The following SMARCA2 variants were observed in gnomAD, a reference collection of about 807,000 sequenced individuals.
SMARCA2 encodes SWI/SNF related BAF chromatin remodeling complex subunit ATPase 2, also known as SWI/SNF-related matrix-associated actin-dependent regulator of chromatin subfamily A member 2.
In SMARCA2, 61 loss-of-function variants were observed where a neutral mutation model predicts 199.8. That is an observed-to-expected ratio of 0.31 (90% CI 0.25 to 0.38). The LOEUF is 0.38. Ranked by LOEUF, SMARCA2 falls within the 10% of genes least tolerant of loss-of-function variation. SMARCA2 has a pLI of 1.00. For synonymous variants in SMARCA2, 935 were observed against 732.0 expected, an observed-to-expected ratio of 1.28 and a Z score of -4.48; for missense variants, 1,344 against 2,012.2, an observed-to-expected ratio of 0.67 and a Z score of 6.35.
intron 8 of SMARCA2, among the ~76,000 whole-genome samples, chr9:2,060,072 C>G (rs768233481): frequency 8.0e-6 from 1 of 125,204 alleles, no homozygotes; most frequent in South Asian, 2.8e-4. Flanking sequence ...TGCTAAGTGA[C>G]TTGTCTCCAG....
At chr9:2,052,564 C>T (rs562272159) in intron 5 of SMARCA2, among the ~76,000 whole-genome samples, 80 of 152,262 alleles carry the variant, frequency 5.3e-4, no homozygotes, top group Admixed American at 1.6e-3. Context: ...TAAATTAGAA[C>T]GAATAACGTG....
chr9:2,166,497 AT>A (rs1825935907), intron 28 of SMARCA2, among the ~76,000 whole-genome samples: 1 of 152,096 alleles, frequency 6.6e-6, no homozygotes, highest in African/African-American at 2.4e-5. Context: ...GATAAGCATA[AT>A]TTTTTTGAAC....
chr9:2,062,935 A>T (rs1310002370), intron 9 of SMARCA2, among the ~76,000 whole-genome samples: 1 of 152,098 alleles, frequency 6.6e-6, no homozygotes, highest in Non-Finnish European at 1.5e-5. Flanking sequence ...TTCCAGTTGG[A>T]GGTGGGGCCT....
chr9:2,027,342 T>A (rs1033484559), intron 1 of SMARCA2, among the ~76,000 whole-genome samples: 1 of 152,004 alleles, frequency 6.6e-6, no homozygotes, highest in Non-Finnish European at 1.5e-5. Context: ...CTTGGGAGGC[T>A]GGTTGGGGAG....
intron 24 of SMARCA2, among the ~76,000 whole-genome samples, chr9:2,111,139 G>C (rs1408840952): frequency 6.6e-6 from 1 of 151,664 alleles, no homozygotes; most frequent in African/African-American, 2.4e-5. Flanking sequence ...ATATTGGGTA[G>C]GGTGATATTG....
At chr9:2,092,495 C>G (rs999863492) in intron 19 of SMARCA2, among the ~76,000 whole-genome samples, 2 of 152,134 alleles carry the variant, frequency 1.3e-5, no homozygotes, top group South Asian at 4.1e-4. Flanking sequence ...GGTGATATAT[C>G]GCATGTAGTT....
chr9:2,149,531 G>A (rs960473394), intron 27 of SMARCA2, among the ~76,000 whole-genome samples: 4 of 151,216 alleles, frequency 2.6e-5, no homozygotes, highest in African/African-American at 4.8e-5. Context: ...AAACAACAAC[G>A]AAAAAGGAAA....
intron 4 of SMARCA2, chr9:2,041,485 A>T (rs763796946): frequency 3.3e-5 from 13 of 398,344 alleles, no homozygotes; most frequent in Non-Finnish European, 4.4e-5. Context: ...CAAGGGCATG[A>T]ATCCCAATTA....
chr9:2,111,417 G>A (rs900429481), intron 24 of SMARCA2, among the ~76,000 whole-genome samples: 2 of 151,226 alleles, frequency 1.3e-5, no homozygotes, highest in Non-Finnish European at 2.9e-5. Flanking sequence ...GTTTGAGTCT[G>A]GGAGGCAGAG....
intron 16 of SMARCA2, among the ~76,000 whole-genome samples, chr9:2,083,634 T>G (rs1013340179): frequency 1.3e-5 from 2 of 152,246 alleles, no homozygotes; most frequent in Non-Finnish European, 2.9e-5. Context: ...ATTATCATAT[T>G]GCAAGGTTTC....
At position 2,115,096 on chromosome 9, in the gene SMARCA2, CT is replaced by C. The variant is rs2130596835; in HGVS notation, c.3457-724del. ...GTAAATTATTCTGAGAAGGTACATC[CT>C]TATTTCTAAATCTTTGTGCATATCT... On this transcript the variant is annotated intron_variant, in intron 24 of 33. Coordinates refer to ENST00000349721, the MANE Select transcript of SMARCA2 (RefSeq NM_003070.5). The surrounding 1 kb of genome is among the most constrained non-coding windows in gnomAD (Gnocchi z 6.0). Among the ~76,000 whole-genome samples, 1 of 151,898 alleles carries C rather than the reference CT, an allele frequency of 6.6e-6. No homozygotes were observed. Among genetic ancestry groups the C allele is most frequent in the East Asian group, 1.9e-4 (1 of 5,172 alleles).
At chr9:2,072,359 TTA>T (rs1307966073) in intron 10 of SMARCA2, among the ~76,000 whole-genome samples, 1 of 152,264 alleles carries the variant, frequency 6.6e-6, no homozygotes, top group African/African-American at 2.4e-5. Context: ...TCGTTACTGA[TTA>T]TATTCAAGTG....
intron 9 of SMARCA2, among the ~76,000 whole-genome samples, chr9:2,064,932 C>T (rs1429893559): frequency 6.6e-6 from 1 of 152,244 alleles, no homozygotes; most frequent in East Asian, 1.9e-4. Context: ...CGCCTGTAAT[C>T]CCAGCACTTT....
chr9:2,169,692 G>T lies in SMARCA2; in HGVS notation c.4200-727G>T, dbSNP rs562418574. Among the ~76,000 whole-genome samples the T allele has an allele frequency of 1.7e-3, 258 of 152,134 alleles. 2 individuals are homozygous for T. Among genetic ancestry groups the T allele is most frequent in the African/African-American group, 5.7e-3 (238 of 41,510 alleles). Reference sequence around the variant, plus strand: ...GGAGGGAGATCTAGAGGGTATGGAGGGTCTTCCCAGGATCTGTGAAACCTG... The same window carrying T: ...GGAGGGAGATCTAGAGGGTATGGAGTGTCTTCCCAGGATCTGTGAAACCTG... On this transcript the variant is annotated intron_variant, in intron 28 of 33. Transcript: ENST00000349721. This position sits in a 1 kb window ranked among gnomAD's most constrained non-coding sequence, Gnocchi z 6.5.
Position 2,119,338 on chromosome 9 carries a change from C to G in SMARCA2, c.3685-120C>G. On this transcript the variant is annotated intron_variant, in intron 25 of 33. Transcript: ENST00000349721. The surrounding 1 kb of genome is among the most constrained non-coding windows in gnomAD (Gnocchi z 4.6). ...CGTCAAGGACTAAATCCAGCAACCC[C>G]TTCCCTTTTCTTTCTGCCTTGAGAA... The G allele has an allele frequency of 1.5e-6, 1 of 665,520 alleles. No individual in the cohort carries two copies. Among genetic ancestry groups the G allele is most frequent in the Non-Finnish European group, 2.7e-6 (1 of 372,460 alleles). The allele number at this position is 665,520 out of a possible 1,614,324, so 41.2% of individuals were successfully genotyped here.
intron 29 of SMARCA2, among the ~76,000 whole-genome samples, chr9:2,178,123 G>A (rs1356805089): frequency 6.6e-6 from 1 of 151,978 alleles, no homozygotes; most frequent in African/African-American, 2.4e-5. Flanking sequence ...TTGCACAGTG[G>A]TATGTGGCTC....
intron 3 of SMARCA2, among the ~76,000 whole-genome samples, chr9:2,038,642 C>A (rs1819438530): frequency 6.6e-6 from 1 of 152,208 alleles, no homozygotes; most frequent in Non-Finnish European, 1.5e-5. Flanking sequence ...CAGGTACCCA[C>A]TGCAGCAGCT....
intron 27 of SMARCA2, among the ~76,000 whole-genome samples, chr9:2,132,615 T>G (rs1368775735): frequency 6.6e-6 from 1 of 152,228 alleles, no homozygotes; most frequent in Non-Finnish European, 1.5e-5. Flanking sequence ...CATTTTAACT[T>G]TTAAAATTGG....
At chr9:2,062,698 C>T (rs1820655225) in intron 9 of SMARCA2, among the ~76,000 whole-genome samples, 1 of 152,078 alleles carries the variant, frequency 6.6e-6, no homozygotes, top group Non-Finnish European at 1.5e-5. Context: ...CATGTGTTAA[C>T]TGAACACTTA....
Sources: gnomAD v4.1 joint callset for allele counts (sites outside exome capture counted in the v4.1 genomes callset) on GRCh38, gnomAD v4.1.1 for gene constraint, Gnocchi (gnomAD v3.1) non-coding constraint, MANE v1.5 for transcripts, NCBI Gene and HGNC (gene_info 2026-07-23, HGNC 2026-07-21) for gene names.